LARP1B: variants seen among roughly 807,000 people sequenced by gnomAD.
LARP1B encodes the protein La ribonucleoprotein 1B.
Under a neutral mutation model 114.2 loss-of-function variants are expected in LARP1B, and 76 were observed. The observed-to-expected ratio is 0.67, with a 90% CI of 0.55 to 0.81. The LOEUF (loss-of-function observed/expected upper bound fraction) is 0.81, where lower values mean the gene tolerates loss of function less well. LARP1B is among the 30% of genes least tolerant of loss of function. The probability of loss-of-function intolerance (pLI) is 0.00; values close to 1 mark genes in which losing one functional copy is unlikely to be tolerated. For missense variants in LARP1B, 1,014 were observed against 1,075.8 expected, an observed-to-expected ratio of 0.94 and a Z score of 0.80; for synonymous variants, 345 against 348.0, an observed-to-expected ratio of 0.99 and a Z score of 0.10.
At chr4:128,124,573 C>G (rs1788967072) in intron 11 of LARP1B, among the ~76,000 whole-genome samples, 2 of 152,152 alleles carry the variant, frequency 1.3e-5, no homozygotes, top group South Asian at 4.1e-4. Flanking sequence ...AGTTCAAATC[C>G]AGTACCTTAG....
intron 13 of LARP1B, among the ~76,000 whole-genome samples, chr4:128,177,152 A>T (rs1746593611): frequency 6.6e-6 from 1 of 152,200 alleles, no homozygotes; most frequent in African/African-American, 2.4e-5. Context: ...TCTAGAGGCA[A>T]ATGGGAAACA....
At chr4:128,127,237 C>CA (rs1403054425) in intron 11 of LARP1B, among the ~76,000 whole-genome samples, 1 of 126,598 alleles carries the variant, frequency 7.9e-6, no homozygotes, top group East Asian at 2.2e-4. Context: ...TTTTACCTAT[C>CA]AGAGACACAG....
At chr4:128,078,059 T>G (rs1335800095) in intron 4 of LARP1B, 97 bp downstream of exon 4, 1 of 785,244 alleles carries the variant, frequency 1.3e-6, no homozygotes, top group Non-Finnish European at 1.9e-6. Flanking sequence ...GTCAAAAATG[T>G]ATAGTTTGTA....
chr4:128,098,154 T>G, intron 7 of LARP1B, 32 bp from the exon 8 acceptor site: 1 of 1,537,860 alleles, frequency 6.5e-7, no homozygotes, highest in Non-Finnish European at 9.0e-7. Context: ...TCCTACTAAA[T>G]AAATGGATGA....
intron 5 of LARP1B, among the ~76,000 whole-genome samples, chr4:128,086,886 A>T (rs1773807064): frequency 6.6e-6 from 1 of 152,044 alleles, no homozygotes; most frequent in Non-Finnish European, 1.5e-5. Flanking sequence ...CTGCCTTCCA[A>T]AGTGCTGGGA....
intron 11 of LARP1B, among the ~76,000 whole-genome samples, chr4:128,161,428 A>G (rs1208518047): frequency 6.6e-6 from 1 of 152,168 alleles, no homozygotes; most frequent in Non-Finnish European, 1.5e-5. Flanking sequence ...TAACAACTCA[A>G]ATATACTGAG....
Position 128,121,812 on chromosome 4 carries a change from A to T in LARP1B, c.1162-14A>T. 6.7e-7 allele frequency: 1 copy of T among 1,488,326 alleles called. No individual in the cohort carries two copies. The highest frequency in any genetic ancestry group is 8.9e-7 in the Non-Finnish European group (1 of 1,117,982). 92.2% of individuals were successfully genotyped at this position (1,488,326 alleles called of 1,614,324 possible). ...AGAAAGTTTTTTATATAAATTACCA[A>T]TTTCTTCCTTCAGGAATCAGTGTCT... On this transcript the variant is annotated splice_polypyrimidine_tract_variant and intron_variant, in intron 10 of 19. Transcript: ENST00000326639.
At chr4:128,113,875 C>T (rs1784948482) in intron 9 of LARP1B, among the ~76,000 whole-genome samples, 1 of 151,306 alleles carries the variant, frequency 6.6e-6, no homozygotes, top group South Asian at 2.1e-4. Context: ...CAACCTCCAC[C>T]TCCCAGGTTC....
At chr4:128,198,451 A>G (rs1754965171) in intron 15 of LARP1B, among the ~76,000 whole-genome samples, 1 of 152,198 alleles carries the variant, frequency 6.6e-6, no homozygotes, top group Non-Finnish European at 1.5e-5. Context: ...TATCAAGGAT[A>G]TTTTTAAGTT....
Position 128,196,081 on chromosome 4 carries a change from T to C in LARP1B, c.2004-3358T>C, listed in dbSNP as rs1266524585. Among the ~76,000 whole-genome samples the C allele has an allele frequency of 2.6e-5, 4 of 151,500 alleles. No individual in the cohort carries two copies. The South Asian group carries it at 6.3e-4, about 24-fold the overall frequency. ...AGCTTGCCAATATGGTGAAACCCTG[T>C]CTCTACTAAAAATACAAAAATTAGC... is the stretch of plus-strand genomic sequence containing the variant. On this transcript the variant is annotated intron_variant, in intron 15 of 19. Coordinates refer to ENST00000326639, the MANE Select transcript of LARP1B (RefSeq NM_018078.4).
chr4:128,072,788 C>A (rs1470516815), intron 1 of LARP1B, among the ~76,000 whole-genome samples: 1 of 152,042 alleles, frequency 6.6e-6, no homozygotes, highest in Admixed American at 6.6e-5. Context: ...AACTCCTGGC[C>A]TCAAGAGATC....
Position 128,090,930 on chromosome 4 carries a change from T to A in LARP1B, c.359-71T>A, listed in dbSNP as rs1374288715. Reference sequence around the variant, plus strand: ...AAAGTGGAAGAAGGTGGCTATTATGTTTTCATAAAGACAATCATGTTATTT... The same window carrying A: ...AAAGTGGAAGAAGGTGGCTATTATGATTTCATAAAGACAATCATGTTATTT... On this transcript the variant is annotated intron_variant, in intron 5 of 19. Transcript: ENST00000326639. 4.1e-6 allele frequency: 5 copies of A among 1,233,170 alleles called. No individual in the cohort carries two copies. In the Admixed American group the frequency reaches 9.5e-5, roughly 23 times the overall value. The allele number at this position is 1,233,170 out of a possible 1,614,324, so 76.4% of individuals were successfully genotyped here.
intron 15 of LARP1B, among the ~76,000 whole-genome samples, chr4:128,193,413 C>T (rs1170819410): frequency 1.6e-4 from 25 of 152,162 alleles, no homozygotes; most frequent in Non-Finnish European, 7.3e-5. Flanking sequence ...GTATCCTGCT[C>T]TGGTTCTCTG....
At chr4:128,195,451 G>A (rs967438643) in intron 15 of LARP1B, among the ~76,000 whole-genome samples, 1 of 152,088 alleles carries the variant, frequency 6.6e-6, no homozygotes, top group Non-Finnish European at 1.5e-5. Context: ...TGCCAGTAAG[G>A]TATATTTATT....
chr4:128,099,686 G>A (rs1779572298), intron 8 of LARP1B, among the ~76,000 whole-genome samples: 1 of 151,216 alleles, frequency 6.6e-6, no homozygotes, highest in South Asian at 2.1e-4. Flanking sequence ...TGTGAGTAAA[G>A]CATGAAGATC....
intron 11 of LARP1B, among the ~76,000 whole-genome samples, chr4:128,126,706 A>G (rs1789734073): frequency 1.3e-5 from 2 of 152,134 alleles, no homozygotes; most frequent in African/African-American, 4.8e-5. Context: ...TGAAAAGAGG[A>G]TACAGAATGA....
chr4:128,134,631 AAGG>A (rs1792672363), intron 11 of LARP1B, among the ~76,000 whole-genome samples: 3 of 152,222 alleles, frequency 2.0e-5, no homozygotes, highest in Admixed American at 6.5e-5. Flanking sequence ...ATGTGTATGA[AAGG>A]ACACAGTTAA....
chr4:128,154,753 C>G (rs1226829277), intron 11 of LARP1B, among the ~76,000 whole-genome samples: 2 of 152,222 alleles, frequency 1.3e-5, no homozygotes, highest in Non-Finnish European at 2.9e-5. Context: ...TTGACTTATA[C>G]TGAATTGTAA....
At chr4:128,092,346 TTTC>T (rs1776212778) in intron 7 of LARP1B, among the ~76,000 whole-genome samples, 1 of 152,198 alleles carries the variant, frequency 6.6e-6, no homozygotes, top group South Asian at 2.1e-4. Context: ...TTAGTTCAGA[TTTC>T]TTACTCTAGT....
Sources: gnomAD v4.1 joint callset for allele counts (sites outside exome capture counted in the v4.1 genomes callset) on GRCh38, gnomAD v4.1.1 for gene constraint, MANE v1.5 for transcripts, NCBI Gene and HGNC (gene_info 2026-07-23, HGNC 2026-07-21) for gene names.